ARHGAP15: variants seen among roughly 807,000 people sequenced by gnomAD.
ARHGAP15 encodes the protein rho GTPase-activating protein 15.
In ARHGAP15, 51 loss-of-function variants were observed where a neutral mutation model predicts 63.7. That is an observed-to-expected ratio of 0.80 (90% CI 0.64 to 1.01). The LOEUF is 1.01. Among genes scored for constraint, ARHGAP15 ranks in the 50% least tolerant of loss-of-function variants. The probability of loss-of-function intolerance (pLI) is 0.00; values close to 1 mark genes in which losing one functional copy is unlikely to be tolerated. For synonymous variants in ARHGAP15, 191 were observed against 193.8 expected (o/e 0.99, Z 0.12); for missense variants, 560 against 564.6 (o/e 0.99, Z 0.08).
chr2:143,152,638 G>A (rs927131189), intron 1 of ARHGAP15, among the ~76,000 whole-genome samples: 6 of 151,968 alleles, frequency 3.9e-5, no homozygotes, highest in South Asian at 2.1e-4. Flanking sequence ...TCTTTAAGAC[G>A]AGGTTTTGTG....
chr2:143,740,779 A>T (rs528574370), intron 13 of ARHGAP15, among the ~76,000 whole-genome samples: 1 of 152,310 alleles, frequency 6.6e-6, no homozygotes, highest in African/African-American at 2.4e-5. Flanking sequence ...CTCTCAGGAA[A>T]TGAGAAACAC....
At chr2:143,282,213 T>A (rs913787128) in intron 6 of ARHGAP15, among the ~76,000 whole-genome samples, 1 of 151,076 alleles carries the variant, frequency 6.6e-6, no homozygotes, top group Non-Finnish European at 1.5e-5. Flanking sequence ...TCTATTACTT[T>A]AATAATAATT....
chr2:143,365,821 A>T (rs987008948), intron 6 of ARHGAP15, among the ~76,000 whole-genome samples: 4 of 152,212 alleles, frequency 2.6e-5, no homozygotes, highest in African/African-American at 9.6e-5. Flanking sequence ...TTTTGCTTCA[A>T]TGCACAAATA....
At chr2:143,480,606 A>T (rs1188370780) in intron 8 of ARHGAP15, 2 of 152,198 alleles carry the variant, frequency 1.3e-5, no homozygotes, top group Non-Finnish European at 2.9e-5. Flanking sequence ...CAAGTCACTT[A>T]AAGTTTCAAT....
intron 13 of ARHGAP15, among the ~76,000 whole-genome samples, chr2:143,760,932 CTT>C (rs1686740718): frequency 6.6e-6 from 1 of 152,006 alleles, no homozygotes; most frequent in African/African-American, 2.4e-5. Flanking sequence ...GCTGAATTAT[CTT>C]TGAGTGACCA....
At position 143,506,465 on chromosome 2, in the gene ARHGAP15, T is replaced by G. The variant is rs199930617; in HGVS notation, c.827-12801T>G. Among the ~76,000 whole-genome samples the G allele has an allele frequency of 1.6e-4, 25 of 152,308 alleles. No homozygotes were observed. The East Asian group carries it at 4.4e-3, about 27-fold the overall frequency. ...ATAAGTTTTAACTTCAGATTAATAG[T>G]AAGTTATATAATTGAGCATGTGAAT... is the stretch of plus-strand genomic sequence containing the variant. On this transcript the variant is annotated intron_variant, in intron 9 of 13. Transcript: ENST00000295095.
intron 8 of ARHGAP15, among the ~76,000 whole-genome samples, chr2:143,447,270 GATTTT>G (rs1436837154): frequency 6.6e-6 from 1 of 152,128 alleles, no homozygotes; most frequent in Non-Finnish European, 1.5e-5. Flanking sequence ...AGCAAGGAAA[GATTTT>G]ATTTAATTTT....
At chr2:143,153,843 T>TTCCTCC (rs796483071) in intron 1 of ARHGAP15, among the ~76,000 whole-genome samples, 981 of 86,786 alleles carry the variant, frequency 0.011, 85 homozygotes, top group East Asian at 0.038. Context: ...CTTCTTCTTC[T>TTCCTCC]TCCTCCTCCT....
At chr2:143,133,969 CT>C (rs984223054) in intron 1 of ARHGAP15, among the ~76,000 whole-genome samples, 19 of 152,176 alleles carry the variant, frequency 1.2e-4, no homozygotes, top group Non-Finnish European at 2.1e-4. Flanking sequence ...AACTAATTCT[CT>C]TTTTTACAGC....
intron 4 of ARHGAP15, among the ~76,000 whole-genome samples, chr2:143,225,869 A>C (rs1191241020): frequency 6.6e-6 from 1 of 152,236 alleles, no homozygotes; most frequent in East Asian, 1.9e-4. Context: ...TTATTATTTT[A>C]AAAGAATCAT....
At chr2:143,332,915 A>T (rs376110404) in intron 6 of ARHGAP15, among the ~76,000 whole-genome samples, 30 of 150,046 alleles carry the variant, frequency 2.0e-4, no homozygotes, top group East Asian at 7.9e-4. Context: ...ACCTTGGAAT[A>T]TTTCCAGTTA....
chr2:143,691,983 G>A (rs551978277), intron 12 of ARHGAP15, among the ~76,000 whole-genome samples: 2 of 152,294 alleles, frequency 1.3e-5, no homozygotes, highest in African/African-American at 4.8e-5. Context: ...TATTACCTCC[G>A]ATGAAATTAA....
At chr2:143,136,561 CT>C (rs927953969) in intron 1 of ARHGAP15, among the ~76,000 whole-genome samples, 2 of 150,870 alleles carry the variant, frequency 1.3e-5, no homozygotes, top group African/African-American at 5.0e-5. Context: ...TTTAGTCAGA[CT>C]TTTTGTTGGG....
intron 13 of ARHGAP15, among the ~76,000 whole-genome samples, chr2:143,716,159 T>A (rs535199993): frequency 6.6e-6 from 1 of 152,230 alleles, no homozygotes; most frequent in East Asian, 1.9e-4. Flanking sequence ...TCCTGCATAG[T>A]TACTCCTGAA....
intron 8 of ARHGAP15, among the ~76,000 whole-genome samples, chr2:143,458,466 C>A (rs914814528): frequency 2.0e-5 from 3 of 152,074 alleles, no homozygotes; most frequent in African/African-American, 4.8e-5. Context: ...AATGACTCTG[C>A]GCACTACCTG....
intron 8 of ARHGAP15, among the ~76,000 whole-genome samples, chr2:143,452,169 G>C (rs1027012804): frequency 7.2e-5 from 11 of 152,108 alleles, no homozygotes; most frequent in Admixed American, 7.2e-4. Context: ...AGAATCGTCT[G>C]CTGTTTGCAA....
intron 6 of ARHGAP15, among the ~76,000 whole-genome samples, chr2:143,389,156 C>A (rs1241143105): frequency 6.7e-6 from 1 of 149,926 alleles, no homozygotes; most frequent in East Asian, 2.0e-4. Flanking sequence ...TATTATTTTA[C>A]AAATTGTATT....
intron 9 of ARHGAP15, among the ~76,000 whole-genome samples, chr2:143,499,718 G>A (rs1438199183): frequency 6.6e-6 from 1 of 151,032 alleles, no homozygotes; most frequent in East Asian, 1.9e-4. Flanking sequence ...AGTATAAACT[G>A]TCATAATAGA....
chr2:143,761,791 A>G (rs937692304), intron 13 of ARHGAP15, among the ~76,000 whole-genome samples: 4 of 152,136 alleles, frequency 2.6e-5, no homozygotes, highest in African/African-American at 9.7e-5. Flanking sequence ...AATAAACTTA[A>G]GTTGATGGAT....
Sources: allele counts gnomAD v4.1 joint callset (sites outside exome capture counted in the v4.1 genomes callset), GRCh38; gene constraint gnomAD v4.1.1; transcripts MANE v1.5; gene names NCBI Gene and HGNC (gene_info 2026-07-23, HGNC 2026-07-21).